STARD10: variants seen among roughly 807,000 people sequenced by gnomAD.
The protein encoded by STARD10 is StAR related lipid transfer domain containing 10, also known as START domain-containing protein 10.
A neutral mutation model predicts 36.0 loss-of-function variants in STARD10; 24 were observed. The ratio of observed to expected loss-of-function variants is 0.67; its 90% CI spans 0.48 to 0.94. STARD10 has a LOEUF of 0.94. Among genes scored for constraint, STARD10 ranks in the 40% least tolerant of loss-of-function variants. STARD10 has a pLI of 0.00. For missense variants in STARD10, 335 were observed against 396.6 expected (o/e 0.84, Z 1.32); for synonymous variants, 156 against 161.9 (o/e 0.96, Z 0.28).
At chr11:72,789,015 C>T (rs485099) in intron 1 of STARD10, among the ~76,000 whole-genome samples, 73,503 of 151,874 alleles carry the variant, frequency 0.48, 17,920 homozygotes, top group Non-Finnish European at 0.51. Context: ...ACTGCCACGC[C>T]CAGCTAACTT....
At chr11:72,789,066 CG>C (rs1859110762) in intron 1 of STARD10, among the ~76,000 whole-genome samples, 1 of 110,640 alleles carries the variant, frequency 9.0e-6, no homozygotes, top group African/African-American at 3.4e-5. Context: ...AGGCTGGTCT[CG>C]AACTTCTGGC....
rs573900819 is a variant in STARD10 at position 72,775,705 on chromosome 11, A to G, written c.207+5270T>C. ...TCAGCACCCAGCTGGAGGCTCCTTG[A>G]GGGCAGGGCTTGGATCTGATTGCCC... On this transcript the variant is annotated intron_variant, in intron 2 of 6. Coordinates refer to ENST00000334805, the MANE Select transcript of STARD10 (RefSeq NM_006645.3). Among the ~76,000 whole-genome samples, 4 of 152,144 alleles carry G rather than the reference A, an allele frequency of 2.6e-5. No individual in the cohort carries two copies. The East Asian group carries it at 7.7e-4, about 29-fold the overall frequency.
chr11:72,758,035 G>A (rs1479249289), intron 4 of STARD10, 151 bp from the exon 5 acceptor site: 2 of 754,050 alleles, frequency 2.7e-6, no homozygotes, highest in African/African-American at 3.4e-5. Flanking sequence ...TCTGGGTGCA[G>A]AGAAAGGGAA....
intron 1 of STARD10, among the ~76,000 whole-genome samples, chr11:72,791,964 T>C (rs1859148503): frequency 6.6e-6 from 1 of 151,254 alleles, no homozygotes; most frequent in Non-Finnish European, 1.5e-5. Context: ...AACCTCCGCC[T>C]CCTGGGTTCA....
chr11:72,780,887 G>A, intron 2 of STARD10, 88 bp downstream of exon 2: 2 of 1,346,158 alleles, frequency 1.5e-6, no homozygotes, highest in Non-Finnish European at 2.1e-6. Context: ...ATACAGCCAG[G>A]TGTCTAGCCC....
chr11:72,760,952 T>C (rs994900156), intron 2 of STARD10, among the ~76,000 whole-genome samples: 1 of 152,036 alleles, frequency 6.6e-6, no homozygotes, highest in Non-Finnish European at 1.5e-5. Context: ...AACCCTCACA[T>C]AATACTTTTC....
chr11:72,791,629 G>A (rs1180238513), intron 1 of STARD10, among the ~76,000 whole-genome samples: 3 of 151,832 alleles, frequency 2.0e-5, no homozygotes, highest in Non-Finnish European at 4.4e-5. Flanking sequence ...CTTAAACCCA[G>A]GAGGCGGAGG....
intron 1 of STARD10, among the ~76,000 whole-genome samples, chr11:72,787,101 A>T (rs1262401304): frequency 6.6e-6 from 1 of 151,636 alleles, no homozygotes; most frequent in African/African-American, 2.4e-5. Context: ...AAAAAAAAAA[A>T]AAAAGGAAAT....
intron 2 of STARD10, among the ~76,000 whole-genome samples, chr11:72,773,959 T>A (rs1169291150): frequency 6.6e-6 from 1 of 152,202 alleles, no homozygotes; most frequent in Non-Finnish European, 1.5e-5. Flanking sequence ...AATGAATGAA[T>A]GCATGCATGT....
chr11:72,763,752 A>G (rs1858751093), intron 2 of STARD10, among the ~76,000 whole-genome samples: 1 of 152,212 alleles, frequency 6.6e-6, no homozygotes, highest in African/African-American at 2.4e-5. Context: ...AAGAAGACAG[A>G]GGCCGGATCT....
chr11:72,756,914 G>C (rs1343271037), intron 5 of STARD10, among the ~76,000 whole-genome samples: 1 of 152,112 alleles, frequency 6.6e-6, no homozygotes, highest in Non-Finnish European at 1.5e-5. Context: ...GGGAGGCCAA[G>C]GTGGGTGGAT....
In STARD10 at chr11:72,757,890, G is replaced by A. The variant is rs760307771; in HGVS notation, c.460-6C>T. 1.9e-6 allele frequency: 3 copies of A among 1,613,808 alleles called. No individual in the cohort carries two copies. Among genetic ancestry groups the A allele is most frequent in the Non-Finnish European group, 2.5e-6 (3 of 1,179,662 alleles). Reference sequence around the variant, plus strand: ...TCTTTCCGAGGTGGGTATTTCTGGGGATGGAAGGCACAGGGAGGTGAGACT... The same window carrying A: ...TCTTTCCGAGGTGGGTATTTCTGGGAATGGAAGGCACAGGGAGGTGAGACT... On this transcript the variant is annotated splice_polypyrimidine_tract_variant and splice_region_variant and intron_variant, in intron 4 of 6. Coordinates refer to ENST00000334805, the MANE Select transcript of STARD10 (RefSeq NM_006645.3).
chr11:72,792,223 T>G (rs181439620), intron 1 of STARD10, among the ~76,000 whole-genome samples: 1 of 151,858 alleles, frequency 6.6e-6, no homozygotes, highest in East Asian at 1.9e-4. Context: ...TTAATTTTTT[T>G]TTTTGTATTT....
rs374316053 is a variant in STARD10 at position 72,788,318 on chromosome 11, C to G, written c.-114+4557G>C. ...TGAAAGGCACCTACTGTGCCCAGTG[C>G]CCCTCCCTAGAGAGGGTGTGCAGAG... On this transcript the variant is annotated intron_variant, in intron 1 of 6. Coordinates refer to ENST00000334805, the MANE Select transcript of STARD10 (RefSeq NM_006645.3). Among the ~76,000 whole-genome samples, 19 of 152,318 alleles carry G rather than the reference C, an allele frequency of 1.2e-4. No individual in the cohort carries two copies. The South Asian group carries it at 3.7e-3, about 30-fold the overall frequency.
intron 2 of STARD10, chr11:72,780,042 G>T (rs1462086766): frequency 9.7e-6 from 3 of 310,602 alleles, no homozygotes; most frequent in African/African-American, 4.3e-5. Context: ...GGAAGAGGAA[G>T]GCGAAGGGCA....
intron 1 of STARD10, among the ~76,000 whole-genome samples, chr11:72,784,988 A>G (rs548333703): frequency 1.3e-5 from 2 of 152,218 alleles, no homozygotes; most frequent in Non-Finnish European, 2.9e-5. Context: ...CAGAAGCCCT[A>G]AGGGGACTCC....
intron 1 of STARD10, among the ~76,000 whole-genome samples, chr11:72,785,147 C>T (rs928457785): frequency 2.0e-5 from 3 of 152,112 alleles, no homozygotes; most frequent in Non-Finnish European, 2.9e-5. Context: ...TGACCTGGTC[C>T]CTAACACTCC....
chr11:72,755,057 G>T lies in STARD10; in HGVS notation c.716C>A (p.Pro239Gln). 1 of 1,613,158 alleles carries T rather than the reference G, an allele frequency of 6.2e-7. No homozygotes were observed. The stretch of plus-strand genomic sequence containing the variant: ...CAGGCTCGGCAACGGGCTCTGCTCC[G>T]GGTGCAGCCACGGCTTGAAGTGAGG... ...HLPHFKPWLH[P>Q]EQSPLPSLAL... is the part of the protein sequence containing the mutation. The change falls in exon 7 of 7, where the codon CCG becomes CAG. Residue 239 changes from proline (P) to glutamine (Q), a missense_variant. By Grantham distance (76) the Pro-to-Gln change is moderately conservative. Transcript: ENST00000334805.
chr11:72,756,979 A>G lies in STARD10; in HGVS notation c.577+788T>C, dbSNP rs1357760079. On this transcript the variant is annotated intron_variant, in intron 5 of 6. Transcript: ENST00000334805. ...GCCAACATGGTGAAACCCCATCTCT[A>G]CTAAAAATACAAAAAGTTAGCTGGG... is the stretch of plus-strand genomic sequence containing the variant. Among the ~76,000 whole-genome samples the G allele has an allele frequency of 2.0e-5, 3 of 152,074 alleles. No individual in the cohort carries two copies. In the East Asian group the frequency reaches 5.8e-4, roughly 29 times the overall value.
Sources: gnomAD v4.1 joint callset for allele counts (sites outside exome capture counted in the v4.1 genomes callset) on GRCh38, gnomAD v4.1.1 for gene constraint, MANE v1.5 for transcripts, NCBI Gene and HGNC (gene_info 2026-07-23, HGNC 2026-07-21) for gene names.